The following XXYLT1 variants were observed in gnomAD, a reference collection of about 807,000 sequenced individuals.
XXYLT1 encodes UDP-xylose:alpha-xyloside alpha-1,3-xylosyltransferase.
In XXYLT1, 20 loss-of-function variants were observed where a neutral mutation model predicts 28.9. The observed-to-expected ratio is 0.69, with a 90% CI of 0.49 to 1.00. The LOEUF (loss-of-function observed/expected upper bound fraction) is 1.00. Among genes scored for constraint, XXYLT1 ranks in the 50% least tolerant of loss-of-function variants. XXYLT1 has a pLI of 0.00. For missense variants in XXYLT1, 542 were observed against 560.1 expected (o/e 0.97, Z 0.33); for synonymous variants, 257 against 253.8 (o/e 1.01, Z -0.12).
At chr3:195,101,797 T>C (rs1023398046) in intron 3 of XXYLT1, among the ~76,000 whole-genome samples, 3 of 130,232 alleles carry the variant, frequency 2.3e-5, no homozygotes, top group South Asian at 2.4e-4. Context: ...CCTATCTCTA[T>C]TGAAAAAAAA....
chr3:195,139,380 G>A (rs1719365481), intron 3 of XXYLT1, among the ~76,000 whole-genome samples: 1 of 152,196 alleles, frequency 6.6e-6, no homozygotes, highest in African/African-American at 2.4e-5. Flanking sequence ...AGGGAACCAG[G>A]CCCCCAGAGT....
intron 3 of XXYLT1, among the ~76,000 whole-genome samples, chr3:195,104,444 C>A (rs942297816): frequency 6.7e-6 from 1 of 149,156 alleles, no homozygotes; most frequent in Non-Finnish European, 1.5e-5. Flanking sequence ...AGTTCCCTTG[C>A]GGGGAGGGGG....
At chr3:195,237,259 G>C (rs1427723011) in intron 1 of XXYLT1, among the ~76,000 whole-genome samples, 2 of 152,160 alleles carry the variant, frequency 1.3e-5, no homozygotes, top group Admixed American at 1.3e-4. Context: ...TCTGACTGCT[G>C]AGATGGGTGA....
At position 195,076,240 on chromosome 3, in the gene XXYLT1, T is replaced by A. The variant is rs577479717; in HGVS notation, c.786-6129A>T. Reference sequence around the variant, plus strand: ...GGGAAGTGAGAAAAGAGGTGACATCTGCTGAGCAGATGTGCACAGCTTTAA... The same window carrying A: ...GGGAAGTGAGAAAAGAGGTGACATCAGCTGAGCAGATGTGCACAGCTTTAA... On this transcript the variant is annotated intron_variant, in intron 3 of 3. Coordinates refer to ENST00000310380, the MANE Select transcript of XXYLT1 (RefSeq NM_152531.5). This position sits in a 1 kb window ranked among gnomAD's most constrained non-coding sequence, Gnocchi z 5.3. Among the ~76,000 whole-genome samples the A allele has an allele frequency of 6.6e-6, 1 of 152,272 alleles. No individual in the cohort carries two copies. The highest frequency in any genetic ancestry group is 6.5e-5 in the Admixed American group (1 of 15,288).
chr3:195,232,473 T>A (rs553201571), intron 1 of XXYLT1, among the ~76,000 whole-genome samples: 1 of 152,242 alleles, frequency 6.6e-6, no homozygotes, highest in South Asian at 2.1e-4. Flanking sequence ...GACGCATCAT[T>A]AGGTGGTTTA....
chr3:195,174,519 T>A (rs1014239475), intron 2 of XXYLT1, among the ~76,000 whole-genome samples: 1 of 151,932 alleles, frequency 6.6e-6, no homozygotes, highest in African/African-American at 2.4e-5. Flanking sequence ...TAATTTTTTT[T>A]AAAAGACAGA....
chr3:195,126,633 A>C (rs1429249996), intron 3 of XXYLT1, among the ~76,000 whole-genome samples: 1 of 150,310 alleles, frequency 6.7e-6, no homozygotes, highest in Non-Finnish European at 1.5e-5. Context: ...ACGCAGGGAC[A>C]GAATGTCCAT....
chr3:195,088,323 C>G (rs1347267836), intron 3 of XXYLT1, among the ~76,000 whole-genome samples: 4 of 149,184 alleles, frequency 2.7e-5, no homozygotes, highest in East Asian at 2.1e-4. Context: ...TCTCCCAGCA[C>G]GCAGCTGGAG....
At position 195,242,581 on chromosome 3, in the gene XXYLT1, G is replaced by A. The variant is rs138213291; in HGVS notation, c.505-15725C>T. 4.2e-3 allele frequency among the ~76,000 whole-genome samples: 636 copies of A among 152,292 alleles called. 3 individuals carry two copies. Among genetic ancestry groups the A allele is most frequent in the Admixed American group, 7.6e-3 (116 of 15,300 alleles). The stretch of plus-strand genomic sequence containing the variant: ...ACAGCTCACCCGTACAGAGACAAGG[G>A]ATAGGGTTTGGAACAAGGAGAAACA... On this transcript the variant is annotated intron_variant, in intron 1 of 3. Coordinates refer to ENST00000310380, the MANE Select transcript of XXYLT1 (RefSeq NM_152531.5).
In XXYLT1 at chr3:195,085,159, T is replaced by A. The variant is rs115768905; in HGVS notation, c.786-15048A>T. On this transcript the variant is annotated intron_variant, in intron 3 of 3. Transcript: ENST00000310380. ...AGTAGGAAAAGAAATGATTGCCATATGAAAGTTCAAGTTGGGGACAAAAGG... is the reference window on the plus strand; with the variant it reads ...AGTAGGAAAAGAAATGATTGCCATAAGAAAGTTCAAGTTGGGGACAAAAGG... Among the ~76,000 whole-genome samples the A allele has an allele frequency of 9.0e-4, 137 of 152,324 alleles. 1 individual carries two copies. Among genetic ancestry groups the A allele is most frequent in the African/African-American group, 3.2e-3 (133 of 41,578 alleles).
chr3:195,181,099 A>G (rs935654503), intron 2 of XXYLT1, among the ~76,000 whole-genome samples: 1 of 152,196 alleles, frequency 6.6e-6, no homozygotes, highest in Non-Finnish European at 1.5e-5. Context: ...AACATGTTCT[A>G]AAAAGAGAAA....
rs190460835 is a variant in XXYLT1, at chr3:195,100,169, G to A, written c.786-30058C>T. Reference sequence around the variant, plus strand: ...CACCACCGTTCCCCCTGCTTCATGCGACAGGCAAGGAGTGGCCCAGCCATG... The same window carrying A: ...CACCACCGTTCCCCCTGCTTCATGCAACAGGCAAGGAGTGGCCCAGCCATG... On this transcript the variant is annotated intron_variant, in intron 3 of 3. Transcript: ENST00000310380. 7.9e-5 allele frequency among the ~76,000 whole-genome samples: 12 copies of A among 152,220 alleles called. No homozygotes were observed. The East Asian group carries it at 1.7e-3, about 22-fold the overall frequency.
chr3:195,102,132 CTA>C (rs1203726368), intron 3 of XXYLT1, among the ~76,000 whole-genome samples: 8 of 151,982 alleles, frequency 5.3e-5, no homozygotes, highest in Admixed American at 2.0e-4. Flanking sequence ...ATATCTGAGT[CTA>C]TGTTTTCCAA....
At chr3:195,191,176 T>C (rs1722403610) in intron 2 of XXYLT1, among the ~76,000 whole-genome samples, 1 of 152,204 alleles carries the variant, frequency 6.6e-6, no homozygotes, top group Non-Finnish European at 1.5e-5. Context: ...CTGTGTGGAT[T>C]CACTTAAACA....
chr3:195,126,546 T>C (rs1017236146), intron 3 of XXYLT1, among the ~76,000 whole-genome samples: 8 of 152,174 alleles, frequency 5.3e-5, no homozygotes, highest in Non-Finnish European at 1.5e-5. Context: ...CTACCTTTGG[T>C]GTTCTCAATT....
intron 3 of XXYLT1, among the ~76,000 whole-genome samples, chr3:195,098,921 G>A (rs948232478): frequency 3.9e-5 from 6 of 152,222 alleles, no homozygotes; most frequent in African/African-American, 1.4e-4. Context: ...CGAGCCCTGA[G>A]CGGCCCTGTT....
intron 3 of XXYLT1, among the ~76,000 whole-genome samples, chr3:195,102,867 T>G (rs1196695783): frequency 6.6e-6 from 1 of 152,230 alleles, no homozygotes; most frequent in East Asian, 1.9e-4. Flanking sequence ...GTTCTAGTTT[T>G]ATTTCTTTAG....
rs188979237 is a variant in XXYLT1, at chr3:195,087,861, C to A, written c.786-17750G>T. On this transcript the variant is annotated intron_variant, in intron 3 of 3. Coordinates refer to ENST00000310380, the MANE Select transcript of XXYLT1 (RefSeq NM_152531.5). ...GAGCCGAAGCAGGGCGAGGCAAAGC[C>A]TCACTTGGGAAGCGCAAGGGGTCAG... 4.5e-4 allele frequency among the ~76,000 whole-genome samples: 69 copies of A among 151,984 alleles called. 1 individual carries two copies. Among genetic ancestry groups the A allele is most frequent in the African/African-American group, 1.6e-3 (67 of 41,264 alleles).
intron 2 of XXYLT1, among the ~76,000 whole-genome samples, chr3:195,185,702 C>T (rs974764249): frequency 7.3e-5 from 11 of 150,352 alleles, no homozygotes; most frequent in Non-Finnish European, 1.3e-4. Context: ...ACCCTCTGGG[C>T]GCTGAGGGAC....
Sources: allele counts gnomAD v4.1 joint callset (sites outside exome capture counted in the v4.1 genomes callset), GRCh38; gene constraint gnomAD v4.1.1; non-coding constraint Gnocchi (gnomAD v3.1); transcripts MANE v1.5; gene names NCBI Gene and HGNC (gene_info 2026-07-23, HGNC 2026-07-21).